The following CIITA variants were observed in gnomAD, a reference collection of about 807,000 sequenced individuals.
The protein encoded by CIITA is class II major histocompatibility complex transactivator, also known as MHC class II transactivator.
Under a neutral mutation model 115.1 loss-of-function variants are expected in CIITA, and 72 were observed. The ratio of observed to expected loss-of-function variants is 0.63; its 90% CI spans 0.52 to 0.76. The LOEUF (loss-of-function observed/expected upper bound fraction) is 0.76, where lower values mean the gene tolerates loss of function less well. Among genes scored for constraint, CIITA ranks in the 30% least tolerant of loss-of-function variants. CIITA has a pLI of 0.00. For missense variants in CIITA, 1,617 were observed against 1,463.8 expected, an observed-to-expected ratio of 1.10 and a Z score of -1.71; for synonymous variants, 763 against 635.6, an observed-to-expected ratio of 1.20 and a Z score of -3.02.
intron 9 of CIITA, among the ~76,000 whole-genome samples, chr16:10,904,354 T>C (rs2038991423): frequency 6.6e-6 from 1 of 152,134 alleles, no homozygotes; most frequent in Non-Finnish European, 1.5e-5. Context: ...CCGGAGCAGC[T>C]GGAATTACAG....
intron 7 of CIITA, 73 bp from the exon 8 acceptor site, chr16:10,902,585 C>T (rs2038857053): frequency 1.3e-6 from 2 of 1,594,848 alleles, no homozygotes; most frequent in East Asian, 2.2e-5. Context: ...AGACATTAAT[C>T]AAATAAGCAA....
rs147152032 is a variant in CIITA, at chr16:10,916,615, T to G, written c.3062+156T>G. 4 of 709,168 alleles carry G rather than the reference T, an allele frequency of 5.6e-6. No homozygotes were observed. The African/African-American group carries it at 7.0e-5, about 12-fold the overall frequency. The allele number at this position is 709,168 out of a possible 1,614,324, so 43.9% of individuals were successfully genotyped here. ...TGATCATACCTCTGCAGCCTTGAAC[T>G]CCTGGCCTCAAGGAATCTCCTCACC... is the stretch of plus-strand genomic sequence containing the variant. On this transcript the variant is annotated intron_variant, in intron 15 of 19. Coordinates refer to ENST00000324288, the MANE Select transcript of CIITA (RefSeq NM_000246.4).
chr16:10,875,536 G>A (rs904784978), upstream of CIITA, among the ~76,000 whole-genome samples: 1 of 152,068 alleles, frequency 6.6e-6, no homozygotes, highest in Admixed American at 6.5e-5. Flanking sequence ...CAGCAAAAAT[G>A]CATGAGGCAC....
chr16:10,881,575 T>C (rs187063006), intron 1 of CIITA, among the ~76,000 whole-genome samples: 1 of 152,344 alleles, frequency 6.6e-6, no homozygotes, highest in Admixed American at 6.5e-5. Context: ...TTTAGTAACA[T>C]TGTTTCTTTT....
intron 1 of CIITA, among the ~76,000 whole-genome samples, chr16:10,891,159 C>T (rs185035071): frequency 6.6e-6 from 1 of 152,148 alleles, no homozygotes; most frequent in Non-Finnish European, 1.5e-5. Context: ...CCCACCATCC[C>T]CCATCTGTGA....
chr16:10,906,423 G>T, intron 10 of CIITA, 76 bp from the exon 11 acceptor site: 1 of 1,497,250 alleles, frequency 6.7e-7, no homozygotes, highest in South Asian at 1.1e-5. Flanking sequence ...GATGGTGGCA[G>T]TGCTGGCCTT....
chr16:10,914,219 C>A (rs2039793718), intron 13 of CIITA, among the ~76,000 whole-genome samples: 1 of 152,048 alleles, frequency 6.6e-6, no homozygotes, highest in South Asian at 2.1e-4. Flanking sequence ...ATCCAAGAAC[C>A]CCCATAAGAT....
chr16:10,899,154 C>T (rs1320012840), intron 5 of CIITA, 152 bp downstream of exon 5: 4 of 742,214 alleles, frequency 5.4e-6, no homozygotes, highest in East Asian at 2.7e-5. Context: ...TTAAAATGTA[C>T]ATCTGATTAT....
intron 9 of CIITA, 76 bp from the exon 10 acceptor site, chr16:10,904,668 C>G: frequency 1.3e-6 from 2 of 1,495,948 alleles, no homozygotes; most frequent in Non-Finnish European, 1.9e-6. Context: ...GCTGTAAGGA[C>G]TAAGTGGCCC....
intron 1 of CIITA, among the ~76,000 whole-genome samples, chr16:10,880,334 C>G (rs1352226751): frequency 1.3e-5 from 2 of 152,182 alleles, no homozygotes; most frequent in Admixed American, 6.5e-5. Context: ...GCAGGTTAAA[C>G]CATCTATCCC....
chr16:10,893,638 G>A (rs1457874557), intron 1 of CIITA, among the ~76,000 whole-genome samples: 1 of 151,664 alleles, frequency 6.6e-6, no homozygotes, highest in Non-Finnish European at 1.5e-5. Context: ...GTGAAACACT[G>A]TCTCTACTAA....
rs541417887 is a variant in CIITA, at chr16:10,927,971, A to G, written c.*4116A>G. On this transcript the variant is annotated 3_prime_UTR_variant, in exon 20 of 20. Coordinates refer to ENST00000324288, the MANE Select transcript of CIITA (RefSeq NM_000246.4). Reference sequence around the variant, plus strand: ...AAGTCCACGCACCTTCCAAATGGTCACTCTTCCTCGCAGGCCTCTCTCTGC... The same window carrying G: ...AAGTCCACGCACCTTCCAAATGGTCGCTCTTCCTCGCAGGCCTCTCTCTGC... The G allele has an allele frequency of 1.3e-5, 2 of 151,988 alleles. No homozygotes were observed. The highest frequency in any genetic ancestry group is 3.9e-4 in the East Asian group (2 of 5,162). 9.4% of individuals were successfully genotyped at this position (151,988 alleles called of 1,614,324 possible).
chr16:10,913,842 G>A (rs140636166), intron 13 of CIITA, among the ~76,000 whole-genome samples: 3,856 of 152,028 alleles, frequency 0.025, 170 homozygotes, highest in African/African-American at 0.089. Context: ...TTGGGAGGCT[G>A]AGGCAGGAGA....
At chr16:10,919,283 C>A (rs1051884901) in intron 16 of CIITA, among the ~76,000 whole-genome samples, 13 of 318 alleles carry the variant, frequency 0.041, no homozygotes, top group Admixed American at 0.36. Flanking sequence ...AACTTCTGCC[C>A]CCCCCCAGGT....
upstream of CIITA, among the ~76,000 whole-genome samples, chr16:10,875,901 C>T (rs553555504): frequency 2.6e-5 from 4 of 152,194 alleles, no homozygotes; most frequent in East Asian, 3.9e-4. Context: ...ACCCAGGAGG[C>T]GGAGCTTGCA....
At chr16:10,905,486 C>G (rs920634142) in intron 10 of CIITA, among the ~76,000 whole-genome samples, 6 of 152,148 alleles carry the variant, frequency 3.9e-5, no homozygotes, top group African/African-American at 1.4e-4. Flanking sequence ...GATGGCCATG[C>G]ATGGTGCCTT....
chr16:10,884,806 C>A (rs368240464), intron 1 of CIITA, among the ~76,000 whole-genome samples: 9 of 152,288 alleles, frequency 5.9e-5, no homozygotes, highest in African/African-American at 2.2e-4. Flanking sequence ...GTGCTTCCTG[C>A]TCCTTCTCTG....
chr16:10,893,196 C>A (rs941017129), intron 1 of CIITA, among the ~76,000 whole-genome samples: 2 of 152,160 alleles, frequency 1.3e-5, no homozygotes, highest in African/African-American at 2.4e-5. Context: ...CCTGCTGACA[C>A]CTTGGCTTCA....
chr16:10,894,712 C>G (rs2037945792), intron 1 of CIITA, among the ~76,000 whole-genome samples: 1 of 152,194 alleles, frequency 6.6e-6, no homozygotes, highest in South Asian at 2.1e-4. Context: ...CAGAAAGGAG[C>G]AGAGACTTGC....
Sources: gnomAD v4.1 joint callset for allele counts (sites outside exome capture counted in the v4.1 genomes callset) on GRCh38, gnomAD v4.1.1 for gene constraint, MANE v1.5 for transcripts, NCBI Gene and HGNC (gene_info 2026-07-23, HGNC 2026-07-21) for gene names.